Variants in WHAMM observed in about 807,000 individuals in gnomAD.
WHAMM encodes WASP homolog-associated protein with actin, membranes and microtubules.
In WHAMM, 67 loss-of-function variants were observed where a neutral mutation model predicts 76.5. The ratio of observed to expected loss-of-function variants is 0.88; its 90% CI spans 0.72 to 1.07. WHAMM has a LOEUF of 1.07. Ranked by LOEUF, WHAMM falls within the 50% of genes least tolerant of loss-of-function variation. WHAMM has a pLI of 0.00. For missense variants in WHAMM, 1,021 were observed against 1,051.1 expected, an observed-to-expected ratio of 0.97 and a Z score of 0.40; for synonymous variants, 419 against 422.1, an observed-to-expected ratio of 0.99 and a Z score of 0.09.
At position 82,810,134 on chromosome 15, in the gene WHAMM, T is replaced by C. The variant is rs1351270784; in HGVS notation, c.408T>C (p.Gly136=). ...LWALLWPTRA[G]PGEAALQELC... is the part of the protein sequence containing the mutation. Reference sequence around the variant, plus strand: ...CGCTGCTGTGGCCGACGCGCGCGGGTCCCGGCGAGGCGGCGCTGCAGGAGC... The same window carrying C: ...CGCTGCTGTGGCCGACGCGCGCGGGCCCCGGCGAGGCGGCGCTGCAGGAGC... The change falls in exon 1 of 10, where the codon GGT becomes GGC. Residue 136 remains glycine, a synonymous_variant. Transcript: ENST00000286760. 1 of 1,360,812 alleles carries C rather than the reference T, an allele frequency of 7.3e-7. No homozygotes were observed. The highest frequency in any genetic ancestry group is 1.5e-5 in the African/African-American group (1 of 65,290). The allele number at this position is 1,360,812 out of a possible 1,614,324, so 84.3% of individuals were successfully genotyped here.
At chr15:82,828,409 C>T (rs75568651) in intron 8 of WHAMM, among the ~76,000 whole-genome samples, 1,583 of 152,234 alleles carry the variant, frequency 0.01, 19 homozygotes, top group African/African-American at 0.035. Context: ...TGCCCTGGAT[C>T]GGGGCCTGGG....
intron 1 of WHAMM, among the ~76,000 whole-genome samples, chr15:82,811,045 C>T (rs1433555145): frequency 6.6e-6 from 1 of 152,170 alleles, no homozygotes; most frequent in Admixed American, 6.5e-5. Flanking sequence ...GCTGGAGTCT[C>T]GGCTCACTGC....
chr15:82,833,547 G>T lies in WHAMM; in HGVS notation c.*11G>T. 6.2e-7 allele frequency: 1 copy of T among 1,610,698 alleles called. No individual in the cohort carries two copies. On this transcript the variant is annotated 3_prime_UTR_variant, in exon 10 of 10. Transcript: ENST00000286760. ...CAGTGGGATGGTTAGGCTCAAGTTT[G>T]ACAAAGGCACCTGCCACAGTAGGCT...
Position 82,830,196 on chromosome 15 carries a change from C to CT in WHAMM, c.1642-390dup, listed in dbSNP as rs35705469. On this transcript the variant is annotated intron_variant, in intron 8 of 9. Coordinates refer to ENST00000286760, the MANE Select transcript of WHAMM (RefSeq NM_001080435.3). ...TTGTACTATTTATCACTTTTTATGG[C>CT]TTTTTTTTTTTTTGGAGACGGAGTC... Among the ~76,000 whole-genome samples the CT allele has an allele frequency of 4.8e-3, 656 of 137,056 alleles. 2 individuals are homozygous for CT. Among genetic ancestry groups the CT allele is most frequent in the Middle Eastern group, 7.6e-3 (2 of 264 alleles). 89.9% of individuals were successfully genotyped at this position (137,056 alleles called of 152,430 possible). A position where few individuals can be genotyped will look rare whatever the true frequency, so the allele number is the denominator to read the frequency against.
intron 9 of WHAMM, among the ~76,000 whole-genome samples, chr15:82,831,327 C>T (rs2051030261): frequency 1.3e-5 from 2 of 152,182 alleles, no homozygotes. Context: ...TTAATGATCG[C>T]ATGACTTGGG....
At chr15:82,830,522 A>G (rs1022235328) in intron 8 of WHAMM, 77 bp from the exon 9 acceptor site, 5 of 1,546,460 alleles carry the variant, frequency 3.2e-6, no homozygotes, top group African/African-American at 2.7e-5. Context: ...GGATGTGTTT[A>G]TAGATTTCTA....
At chr15:82,810,760 T>G (rs2151554614) in intron 1 of WHAMM, 2 of 985,428 alleles carry the variant, frequency 2.0e-6, no homozygotes, top group East Asian at 1.1e-4. Context: ...TAAAATGGTT[T>G]AGAGGAAGAA....
At chr15:82,821,674 A>G (rs1483560344) in intron 5 of WHAMM, among the ~76,000 whole-genome samples, 1 of 152,098 alleles carries the variant, frequency 6.6e-6, no homozygotes, top group Non-Finnish European at 1.5e-5. Flanking sequence ...ACTTCTCCAC[A>G]AGTTTTCTGA....
intron 9 of WHAMM, among the ~76,000 whole-genome samples, chr15:82,832,662 GTTCA>G (rs751140969): frequency 6.6e-6 from 1 of 152,194 alleles, no homozygotes; most frequent in Non-Finnish European, 1.5e-5. Context: ...TCCGGTGGCG[GTTCA>G]TTGAGTTGCC....
At chr15:82,826,537 CG>C in intron 7 of WHAMM, 41 bp downstream of exon 7, 1 of 1,599,338 alleles carries the variant, frequency 6.3e-7, no homozygotes, top group Non-Finnish European at 8.6e-7. Flanking sequence ...GTTTGTGTAG[CG>C]TGACATGCAG....
intron 8 of WHAMM, among the ~76,000 whole-genome samples, chr15:82,827,318 T>C (rs2050952299): frequency 6.6e-6 from 1 of 152,186 alleles, no homozygotes; most frequent in Non-Finnish European, 1.5e-5. Context: ...TTTCTTTTTT[T>C]GAAGTATATA....
chr15:82,817,899 T>C, intron 3 of WHAMM, 21 bp from the exon 4 acceptor site: 1 of 1,489,852 alleles, frequency 6.7e-7, no homozygotes, highest in Non-Finnish European at 9.0e-7. Flanking sequence ...GTAATTATAT[T>C]TTATTTTTAT....
intron 5 of WHAMM, 142 bp downstream of exon 5, chr15:82,819,630 T>A (rs1807242): frequency 0.14 from 62,386 of 442,592 alleles, 6,591 homozygotes; most frequent in East Asian, 0.44. Context: ...TCAAATAATA[T>A]ATTCATTGTT....
In WHAMM at chr15:82,810,056, G is replaced by T; in HGVS notation, c.330G>T (p.Pro110=). 2.5e-6 allele frequency: 3 copies of T among 1,215,858 alleles called. No individual in the cohort carries two copies. The highest frequency in any genetic ancestry group is 3.1e-6 in the Non-Finnish European group (3 of 980,990). 75.3% of individuals were successfully genotyped at this position (1,215,858 alleles called of 1,614,324 possible). A position where few individuals can be genotyped will look rare whatever the true frequency, so the allele number is the denominator to read the frequency against. ...PLERCFPRLP[P]ELDVGGGGAW... ...AGCGCTGCTTCCCGCGGCTGCCGCC[G>T]GAGCTGGACGTGGGCGGCGGCGGGG... The change falls in exon 1 of 10, where the codon CCG becomes CCT. Residue 110 remains proline (P), a synonymous_variant. Transcript: ENST00000286760.
chr15:82,826,972 C>CAGAA, intron 8 of WHAMM, 126 bp downstream of exon 8: 1 of 1,075,654 alleles, frequency 9.3e-7, no homozygotes, highest in Non-Finnish European at 1.3e-6. Flanking sequence ...TAAAAAATAC[C>CAGAA]ATTATTTCTG....
chr15:82,818,904 A>T (rs1363036060), intron 4 of WHAMM, among the ~76,000 whole-genome samples: 1 of 152,218 alleles, frequency 6.6e-6, no homozygotes, highest in Non-Finnish European at 1.5e-5. Flanking sequence ...TTCTGTGTGT[A>T]TGTTTAGAAA....
Position 82,809,912 on chromosome 15 carries a change from G to C in WHAMM, c.186G>C (p.Gly62=). The change falls in exon 1 of 10, where the codon GGG becomes GGC. Residue 62 remains glycine (G), a synonymous_variant. Coordinates refer to ENST00000286760, the MANE Select transcript of WHAMM (RefSeq NM_001080435.3). ...GGCTGCGCGAGGGGGCCCGGTTGGGGCCCGAGCCCGAGCCCAAGCCTGAGG... is the reference window on the plus strand; with the variant it reads ...GGCTGCGCGAGGGGGCCCGGTTGGGCCCCGAGCCCGAGCCCAAGCCTGAGG... ...QRRLREGARL[G]PEPEPKPEAA... is the part of the protein sequence containing the mutation. 8 of 1,516,102 alleles carry C rather than the reference G, an allele frequency of 5.3e-6. No individual in the cohort carries two copies. Among genetic ancestry groups the C allele is most frequent in the Non-Finnish European group, 7.1e-6 (8 of 1,128,546 alleles). 93.9% of individuals were successfully genotyped at this position (1,516,102 alleles called of 1,614,324 possible).
intron 3 of WHAMM, among the ~76,000 whole-genome samples, chr15:82,817,523 A>AT (rs768851395): frequency 5.3e-4 from 80 of 151,892 alleles, no homozygotes; most frequent in African/African-American, 1.6e-3. Context: ...ATGATTCTTG[A>AT]TTTTTTTTTA....
intron 2 of WHAMM, among the ~76,000 whole-genome samples, chr15:82,813,813 C>T (rs534650715): frequency 3.6e-4 from 54 of 151,710 alleles, no homozygotes; most frequent in Non-Finnish European, 6.0e-4. Flanking sequence ...TGTACCACCA[C>T]GCCCAGCTAA....
Sources: gnomAD v4.1 joint callset for allele counts (sites outside exome capture counted in the v4.1 genomes callset) on GRCh38, gnomAD v4.1.1 for gene constraint, MANE v1.5 for transcripts, NCBI Gene and HGNC (gene_info 2026-07-23, HGNC 2026-07-21) for gene names.